The following RPS6KA6 variants were observed in gnomAD, a reference collection of about 807,000 sequenced individuals.
RPS6KA6 encodes the protein ribosomal protein S6 kinase A6.
RPS6KA6 carries 27 observed loss-of-function variants against 65.4 expected under a neutral mutation model. That is an observed-to-expected ratio of 0.41 (90% CI 0.30 to 0.57). RPS6KA6 has a LOEUF of 0.57. Ranked by LOEUF, RPS6KA6 falls within the 20% of genes least tolerant of loss-of-function variation. The pLI is 0.24. For missense variants in RPS6KA6, 486 were observed against 555.6 expected, an observed-to-expected ratio of 0.87 and a Z score of 1.26; for synonymous variants, 190 against 184.2, an observed-to-expected ratio of 1.03 and a Z score of -0.26.
intron 16 of RPS6KA6, among the ~76,000 whole-genome samples, chrX:84,105,036 A>G (rs1383419649): frequency 9.0e-6 from 1 of 110,970 alleles, no homozygotes; most frequent in Non-Finnish European, 1.9e-5. Context: ...AAGTAAATAC[A>G]TTATTTATTT....
chrX:84,102,043 T>G lies in RPS6KA6; in HGVS notation c.1770A>C (p.Ala590=). ...TGAAGTTTTTAAGGAATACCTCAGG[T>G]GCAACAAAGTTTGCAGTGTAGCATG... ...LTPCYTANFV[A]PEVLMQQGYD... Residue 590 remains alanine, a synonymous_variant, in exon 18 of 22, where the codon GCA becomes GCC. Transcript: ENST00000262752. 2.5e-6 allele frequency: 3 copies of G among 1,176,711 alleles called. No individual in the cohort carries two copies. In the South Asian group the frequency reaches 6.0e-5, roughly 23 times the overall value.
chrX:84,070,383 G>A (rs1415463774), intron 20 of RPS6KA6, among the ~76,000 whole-genome samples: 4 of 110,219 alleles, frequency 3.6e-5, no homozygotes, highest in Non-Finnish European at 7.6e-5. Flanking sequence ...ATTAAAAACT[G>A]CGGCCTGTCG....
chrX:84,100,545 G>A (rs2034239100), intron 18 of RPS6KA6, among the ~76,000 whole-genome samples: 2 of 110,726 alleles, frequency 1.8e-5, no homozygotes, highest in East Asian at 2.8e-4. Context: ...TATTAAAATG[G>A]TTATTCTATA....
intron 7 of RPS6KA6, 27 bp from the exon 8 acceptor site, chrX:84,134,846 A>G: frequency 9.6e-7 from 1 of 1,040,834 alleles, no homozygotes; most frequent in South Asian, 2.2e-5. Flanking sequence ...ACATTCAACA[A>G]GATGGAATAA....
chrX:84,103,334 C>G (rs2034293367), intron 17 of RPS6KA6, among the ~76,000 whole-genome samples: 1 of 110,810 alleles, frequency 9.0e-6, no homozygotes, highest in South Asian at 3.7e-4. Context: ...AGGGAAGTCT[C>G]AGCAGAAAAA....
Position 84,147,102 on chromosome X carries a change from TTTCAG to T in RPS6KA6, c.341-49_341-45del, listed in dbSNP as rs750333306. Reference sequence around the variant, plus strand: ...TACAATATATTGCTCTCTTACATCATTTCAGTTAAGAGTCCATCAATAATTTACCA... The same window carrying T: ...TACAATATATTGCTCTCTTACATCATTTAAGAGTCCATCAATAATTTACCA... On this transcript the variant is annotated intron_variant, in intron 4 of 21. Transcript: ENST00000262752. 7 of 732,881 alleles carry T rather than the reference TTTCAG, an allele frequency of 9.6e-6. No individual in the cohort carries two copies. In the South Asian group the frequency reaches 1.4e-4, roughly 15 times the overall value. 60.4% of individuals were successfully genotyped at this position (732,881 alleles called of 1,213,427 possible).
intron 9 of RPS6KA6, 31 bp from the exon 10 acceptor site, chrX:84,117,485 A>G: frequency 1.1e-6 from 1 of 923,830 alleles, no homozygotes; most frequent in South Asian, 2.6e-5. Flanking sequence ...ACACCACACA[A>G]TTAGAACACC....
chrX:84,106,887 T>C, intron 14 of RPS6KA6, 23 bp downstream of exon 14: 1 of 1,121,373 alleles, frequency 8.9e-7, no homozygotes, highest in Non-Finnish European at 1.2e-6. Flanking sequence ...CAAAACTGAA[T>C]AATGTGATTA....
intron 2 of RPS6KA6, among the ~76,000 whole-genome samples, chrX:84,162,160 T>A (rs777251489): frequency 9.1e-6 from 1 of 110,403 alleles, no homozygotes; most frequent in South Asian, 3.8e-4. Context: ...ATATAGTTTA[T>A]CAGCAACCTG....
chrX:84,137,156 A>G (rs753037827), intron 6 of RPS6KA6, among the ~76,000 whole-genome samples: 29 of 112,010 alleles, frequency 2.6e-4, no homozygotes, highest in Non-Finnish European at 4.9e-4. Flanking sequence ...TTTTTTGTGC[A>G]TATCTGTGTG....
At chrX:84,099,118 C>A (rs186372107) in intron 18 of RPS6KA6, among the ~76,000 whole-genome samples, 17 of 111,249 alleles carry the variant, frequency 1.5e-4, no homozygotes, top group Non-Finnish European at 7.6e-5. Flanking sequence ...AGGGCCACTG[C>A]ACAGAAACTA....
rs187870828 is a variant in RPS6KA6 at position 84,082,842 on chromosome X, G to C, written c.1971+13352C>G. ...GACAATCCTGACAAGAACAAGCAAA[G>C]AGGAAAGGATTCCCTATTTAATAAA... On this transcript the variant is annotated intron_variant, in intron 20 of 21. Coordinates refer to ENST00000262752, the MANE Select transcript of RPS6KA6 (RefSeq NM_014496.5). Among the ~76,000 whole-genome samples, 165 of 111,670 alleles carry C rather than the reference G, an allele frequency of 1.5e-3. 1 individual carries two copies. Among genetic ancestry groups the C allele is most frequent in the African/African-American group, 4.9e-3 (152 of 30,724 alleles).
intron 17 of RPS6KA6, among the ~76,000 whole-genome samples, chrX:84,102,791 C>T (rs1395198411): frequency 1.8e-5 from 2 of 110,494 alleles, no homozygotes; most frequent in African/African-American, 6.6e-5. Flanking sequence ...AGTGCAATCC[C>T]TATGGTACAC....
intron 20 of RPS6KA6, among the ~76,000 whole-genome samples, chrX:84,082,290 T>C (rs1332784772): frequency 9.0e-6 from 1 of 111,626 alleles, no homozygotes; most frequent in Non-Finnish European, 1.9e-5. Flanking sequence ...CAAGCATTCC[T>C]ATACACCAAT....
At chrX:84,150,882 T>TAGG (rs2035294266) in intron 3 of RPS6KA6, among the ~76,000 whole-genome samples, 4 of 98,491 alleles carry the variant, frequency 4.1e-5, no homozygotes, top group Admixed American at 1.2e-4. Context: ...AGGATATATA[T>TAGG]ATATAGAGGA....
At position 84,097,811 on chromosome X, in the gene RPS6KA6, A is replaced by C; in HGVS notation, c.1814T>G (p.Ile605Ser). The C allele has an allele frequency of 8.3e-7, 1 of 1,201,184 alleles. No homozygotes were observed. Among genetic ancestry groups the C allele is most frequent in the South Asian group, 1.8e-5 (1 of 55,962 alleles). ...GTAAAAAAGGACTCCTAAACTCCAG[A>C]TATCACAAGCAGCATCATATCCCTG... is the stretch of plus-strand genomic sequence containing the variant. ...MQQGYDAACDIWSLGVLFYTM... is the reference protein window; with the variant it reads ...MQQGYDAACDSWSLGVLFYTM... The change falls in exon 19 of 22, where the codon ATC becomes AGC. Residue 605 changes from isoleucine to serine, a missense_variant. Ile to Ser is a moderately radical substitution (Grantham distance 142). Transcript: ENST00000262752.
chrX:84,121,601 T>C (rs1009577263), intron 8 of RPS6KA6, among the ~76,000 whole-genome samples: 2 of 112,174 alleles, frequency 1.8e-5, no homozygotes, highest in African/African-American at 6.5e-5. Flanking sequence ...TATGTCACAC[T>C]GTAACAGAAC....
chrX:84,099,734 AT>A (rs1449507445), intron 18 of RPS6KA6, among the ~76,000 whole-genome samples: 1 of 111,561 alleles, frequency 9.0e-6, no homozygotes, highest in Non-Finnish European at 1.9e-5. Context: ...GAAGAATAAA[AT>A]ATTTTAGAGA....
Position 84,064,106 on chromosome X carries a change from A to G in RPS6KA6, c.*171T>C. The G allele has an allele frequency of 2.0e-6, 1 of 506,655 alleles. No individual in the cohort carries two copies. Among genetic ancestry groups the G allele is most frequent in the South Asian group, 3.6e-5 (1 of 27,729 alleles). The allele number at this position is 506,655 out of a possible 1,213,427, so 41.8% of individuals were successfully genotyped here. ...ACTACTGCAAACACATAGTATGAAT[A>G]TTGTGGACCTGTGAATGGTTTTTTA... is the stretch of plus-strand genomic sequence containing the variant. On this transcript the variant is annotated 3_prime_UTR_variant, in exon 22 of 22. Coordinates refer to ENST00000262752, the MANE Select transcript of RPS6KA6 (RefSeq NM_014496.5).
Sources: allele counts gnomAD v4.1 joint callset (sites outside exome capture counted in the v4.1 genomes callset), GRCh38; gene constraint gnomAD v4.1.1; transcripts MANE v1.5; gene names NCBI Gene and HGNC (gene_info 2026-07-23, HGNC 2026-07-21).